The following PADI1 variants were observed in gnomAD, a reference collection of about 807,000 sequenced individuals.
PADI1 encodes protein-arginine deiminase type-1.
PADI1 carries 65 observed loss-of-function variants against 74.8 expected under a neutral mutation model. The ratio of observed to expected loss-of-function variants is 0.87; its 90% CI spans 0.71 to 1.07. The LOEUF (loss-of-function observed/expected upper bound fraction) is 1.07, where lower values mean the gene tolerates loss of function less well. PADI1 is among the 50% of genes least tolerant of loss of function. The pLI, the probability that PADI1 is intolerant of heterozygous loss-of-function variation, is 0.00. For synonymous variants in PADI1, 371 were observed against 336.2 expected (o/e 1.10, Z -1.13); for missense variants, 943 against 854.0 (o/e 1.10, Z -1.30).
In PADI1 at chr1:17,244,764, CACTT is replaced by C. The variant is rs2100540872; in HGVS notation, c.*524_*527del. On this transcript the variant is annotated 3_prime_UTR_variant, in exon 16 of 16. Transcript: ENST00000375471. Reference sequence around the variant, plus strand: ...TCCCAAAGGGGACCCAAGGCTGTGACACTTACCTCCACCCCCATCCAGCACCCTT... The same window carrying C: ...TCCCAAAGGGGACCCAAGGCTGTGACACCTCCACCCCCATCCAGCACCCTT... 3.0e-6 allele frequency: 1 copy of C among 329,782 alleles called. No homozygotes were observed. Among genetic ancestry groups the C allele is most frequent in the Non-Finnish European group, 6.0e-6 (1 of 167,962 alleles). The allele number at this position is 329,782 out of a possible 1,614,324, so 20.4% of individuals were successfully genotyped here. A position where few individuals can be genotyped will look rare whatever the true frequency, so the allele number is the denominator to read the frequency against.
At chr1:17,234,016 G>A (rs907229824) in intron 11 of PADI1, among the ~76,000 whole-genome samples, 4 of 152,214 alleles carry the variant, frequency 2.6e-5, no homozygotes, top group Non-Finnish European at 4.4e-5. Context: ...GGGGCAGACG[G>A]TCCTTGAGGC....
chr1:17,226,118 CT>C lies in PADI1; in HGVS notation c.616del (p.Ser206LeufsTer6). The C allele has an allele frequency of 6.2e-7, 1 of 1,614,198 alleles. No homozygotes were observed. The highest frequency in any genetic ancestry group is 1.1e-5 in the South Asian group (1 of 91,080). ...DSHKLVLNVP[F>X]SDSKRVRVFC... is the part of the protein sequence containing the mutation. ...GCCACAAGCTTGTCTTGAACGTGCCCTTTTCTGATTCCAAAAGAGTGAGGGT... is the reference window on the plus strand; with the variant it reads ...GCCACAAGCTTGTCTTGAACGTGCCCTTTCTGATTCCAAAAGAGTGAGGGT... On this transcript the variant is annotated frameshift_variant, in exon 6 of 16. Transcript: ENST00000375471. LOFTEE classifies it high-confidence loss of function.
intron 11 of PADI1, among the ~76,000 whole-genome samples, chr1:17,236,713 G>A (rs1207931348): frequency 6.6e-6 from 1 of 151,752 alleles, no homozygotes; most frequent in African/African-American, 2.4e-5. Context: ...ATGCACTCCA[G>A]CCTCTAGGCT....
chr1:17,225,949 T>G (rs939319431), intron 5 of PADI1, 21 bp downstream of exon 5: 1 of 1,612,678 alleles, frequency 6.2e-7, no homozygotes, highest in East Asian at 2.2e-5. Flanking sequence ...CAAGGTGTTG[T>G]CTGGGGAGTG....
chr1:17,243,116 G>A (rs2072810873), intron 15 of PADI1, among the ~76,000 whole-genome samples: 1 of 152,218 alleles, frequency 6.6e-6, no homozygotes, highest in Admixed American at 6.5e-5. Context: ...CCGCCCTCTA[G>A]AGAGAAGGTC....
At chr1:17,233,505 A>G (rs1182977778) in intron 11 of PADI1, among the ~76,000 whole-genome samples, 2 of 152,208 alleles carry the variant, frequency 1.3e-5, no homozygotes, top group African/African-American at 2.4e-5. Context: ...CCCTGGACAG[A>G]TGTGATGGAG....
chr1:17,235,161 G>GAGGAAGGGAAGGAAGGA (rs1323903496), intron 11 of PADI1, among the ~76,000 whole-genome samples: 1 of 134,142 alleles, frequency 7.5e-6, no homozygotes, highest in Non-Finnish European at 1.6e-5. Context: ...GGGAGGGAGG[G>GAGGAAGGGAAGGAAGGA]AGGAAGGGAA....
At position 17,228,690 on chromosome 1, in the gene PADI1, C is replaced by A; in HGVS notation, c.718C>A (p.Arg240=). 6.2e-7 allele frequency: 1 copy of A among 1,614,136 alleles called. No homozygotes were observed. The highest frequency in any genetic ancestry group is 8.5e-7 in the Non-Finnish European group (1 of 1,179,974). Residue 240 remains arginine, a synonymous_variant, in exon 7 of 16, where the codon CGA becomes AGA. Transcript: ENST00000375471. The part of the protein sequence containing the change: ...GPQCLSYEVE[R]QPGEQEIKFY... ...CCAGTGTCTGTCCTATGAAGTTGAG[C>A]GACAGCCAGGGGAGCAGGAGATCAA...
Position 17,232,800 on chromosome 1 carries a change from C to G in PADI1, c.1162-19C>G. ...GACCTCTCCTTCTTGGGGTGGGGGT[C>G]TCGCTGGTTCTTCCATAGGGTCCTG... On this transcript the variant is annotated intron_variant, in intron 10 of 15. Transcript: ENST00000375471. The G allele has an allele frequency of 6.2e-7, 1 of 1,601,162 alleles. No individual in the cohort carries two copies. The highest frequency in any genetic ancestry group is 8.5e-7 in the Non-Finnish European group (1 of 1,171,306).
At chr1:17,230,297 A>G in intron 9 of PADI1, 89 bp downstream of exon 9, 4 of 1,501,964 alleles carry the variant, frequency 2.7e-6, no homozygotes, top group Non-Finnish European at 3.6e-6. Context: ...GTGTCGCTAG[A>G]GAAGCCACGG....
chr1:17,214,831 C>T (rs997175410), intron 1 of PADI1, among the ~76,000 whole-genome samples: 1 of 152,220 alleles, frequency 6.6e-6, no homozygotes, highest in African/African-American at 2.4e-5. Flanking sequence ...TCTCCCAGCC[C>T]CGGGGCAAGG....
At chr1:17,228,597 G>A (rs776349520) in intron 6 of PADI1, 28 bp from the exon 7 acceptor site, 6 of 1,613,310 alleles carry the variant, frequency 3.7e-6, no homozygotes, top group East Asian at 2.2e-5. Context: ...CTGTCTCCTC[G>A]CTAGCCCCTG....
In PADI1 at chr1:17,225,862, T is replaced by C. The variant is rs1175792414; in HGVS notation, c.460T>C (p.Cys154Arg). The change falls in exon 5 of 16, where the codon TGT becomes CGT. Residue 154 changes from cysteine (C) to arginine (R), a missense_variant. Cys to Arg is a radical substitution (Grantham distance 180). Coordinates refer to ENST00000375471, the MANE Select transcript of PADI1 (RefSeq NM_013358.3). Reference sequence around the variant, plus strand: ...CTATGGGGCTATCTTGCTGGTGAACTGTGACCGGGACAATCACAGGTCCGC... The same window carrying C: ...CTATGGGGCTATCTTGCTGGTGAACCGTGACCGGGACAATCACAGGTCCGC... ...EGYGAILLVNCDRDNHRSAEP... is the reference protein window; with the variant it reads ...EGYGAILLVNRDRDNHRSAEP... 6.2e-7 allele frequency: 1 copy of C among 1,614,144 alleles called. No individual in the cohort carries two copies. The highest frequency in any genetic ancestry group is 8.5e-7 in the Non-Finnish European group (1 of 1,180,028).
intron 14 of PADI1, 168 bp downstream of exon 14, chr1:17,239,951 T>A: frequency 1.6e-6 from 1 of 613,250 alleles, no homozygotes. Context: ...ACCCACAGTC[T>A]GATGGAAGAG....
At chr1:17,225,278 G>C (rs1024276971) in intron 4 of PADI1, among the ~76,000 whole-genome samples, 1 of 152,182 alleles carries the variant, frequency 6.6e-6, no homozygotes, top group Admixed American at 6.5e-5. Flanking sequence ...GGTGTGTTGG[G>C]GACAGCAGCA....
At chr1:17,209,900 G>C (rs1425189445) in intron 1 of PADI1, among the ~76,000 whole-genome samples, 1 of 151,994 alleles carries the variant, frequency 6.6e-6, no homozygotes, top group Non-Finnish European at 1.5e-5. Flanking sequence ...GCCCAGGCTG[G>C]AGTGCAGTGA....
chr1:17,221,762 T>C (rs1013273763), intron 1 of PADI1, among the ~76,000 whole-genome samples: 2 of 151,956 alleles, frequency 1.3e-5, no homozygotes, highest in East Asian at 3.9e-4. Context: ...GAAAGCGTAG[T>C]AGGGAGGAGG....
At position 17,239,695 on chromosome 1, in the gene PADI1, T is replaced by C. The variant is rs767743021; in HGVS notation, c.1553-9T>C. 3 of 1,611,176 alleles carry C rather than the reference T, an allele frequency of 1.9e-6. No homozygotes were observed. The highest frequency in any genetic ancestry group is 2.5e-6 in the Non-Finnish European group (3 of 1,177,270). On this transcript the variant is annotated splice_polypyrimidine_tract_variant and intron_variant, in intron 13 of 15. Coordinates refer to ENST00000375471, the MANE Select transcript of PADI1 (RefSeq NM_013358.3). ...CCCTGAGCTATGTACTGTCTTTCTCTTCTTGCAGGGTTAAAACACCAGGCA... is the reference window on the plus strand; with the variant it reads ...CCCTGAGCTATGTACTGTCTTTCTCCTCTTGCAGGGTTAAAACACCAGGCA...
At chr1:17,212,018 G>A (rs527884261) in intron 1 of PADI1, among the ~76,000 whole-genome samples, 8 of 152,192 alleles carry the variant, frequency 5.3e-5, no homozygotes, top group African/African-American at 1.7e-4. Flanking sequence ...AGGAAGGTAC[G>A]TTGAGGCAGA....
Sources: gnomAD v4.1 joint callset for allele counts (sites outside exome capture counted in the v4.1 genomes callset) on GRCh38, gnomAD v4.1.1 for gene constraint, MANE v1.5 for transcripts, NCBI Gene and HGNC (gene_info 2026-07-23, HGNC 2026-07-21) for gene names.